The following AFF3 variants were observed in gnomAD, a reference collection of about 807,000 sequenced individuals.
AFF3 encodes AF4/FMR2 family member 3.
Under a neutral mutation model 129.7 loss-of-function variants are expected in AFF3, and 32 were observed. The ratio of observed to expected loss-of-function variants is 0.25; its 90% CI spans 0.19 to 0.33. AFF3 has a LOEUF of 0.33. Ranked by LOEUF, AFF3 falls within the 10% of genes least tolerant of loss-of-function variation. AFF3 has a pLI of 1.00. For synonymous variants in AFF3, 644 were observed against 635.4 expected (o/e 1.01, Z -0.20); for missense variants, 1,373 against 1,592.0 (o/e 0.86, Z 2.34).
intron 8 of AFF3, among the ~76,000 whole-genome samples, chr2:99,797,333 T>C (rs773434578): frequency 3.3e-5 from 5 of 151,990 alleles, no homozygotes; most frequent in Non-Finnish European, 7.4e-5. Flanking sequence ...AATGGTAGAA[T>C]AGAGATTGTA....
At position 99,647,095 on chromosome 2, in the gene AFF3, T is replaced by C. The variant is rs914114278; in HGVS notation, c.1184+2531A>G. Among the ~76,000 whole-genome samples, 9 of 152,318 alleles carry C rather than the reference T, an allele frequency of 5.9e-5. No homozygotes were observed. The East Asian group carries it at 1.7e-3, about 29-fold the overall frequency. ...GTCATTGTGGAAGACATTGTGGTGA[T>C]TCTTCAAAGACCTAGAGGCAGAAAT... On this transcript the variant is annotated intron_variant, in intron 13 of 24. Transcript: ENST00000672756.
intron 20 of AFF3, among the ~76,000 whole-genome samples, chr2:99,564,832 C>G (rs1161053600): frequency 6.6e-6 from 1 of 152,200 alleles, no homozygotes; most frequent in Non-Finnish European, 1.5e-5. Flanking sequence ...AGCAGTTAAA[C>G]TGGCTAAAAA....
At chr2:99,970,615 T>C (rs111372326) in intron 7 of AFF3, among the ~76,000 whole-genome samples, 1,851 of 152,290 alleles carry the variant, frequency 0.012, 30 homozygotes, top group African/African-American at 0.041. Context: ...CATGGGACAG[T>C]TTCCCCTGCC....
intron 4 of AFF3, among the ~76,000 whole-genome samples, chr2:100,012,183 T>C (rs1682610418): frequency 6.6e-6 from 1 of 152,112 alleles, no homozygotes. Flanking sequence ...CGTGCCATGC[T>C]TCCACACCAT....
chr2:100,065,456 A>C (rs896545478), intron 4 of AFF3, among the ~76,000 whole-genome samples: 1 of 152,246 alleles, frequency 6.6e-6, no homozygotes, highest in African/African-American at 2.4e-5. Flanking sequence ...ACAGCCCTAA[A>C]GATCATTATC....
chr2:99,550,685 C>A lies in AFF3; in HGVS notation c.*789G>T. ...AGCTCCAACACACAGGCACTGCTAC[C>A]TTAGTGTCTGTTAACTTTCAAAGAC... On this transcript the variant is annotated 3_prime_UTR_variant, in exon 25 of 25. Transcript: ENST00000672756. The A allele has an allele frequency of 4.3e-6, 1 of 232,920 alleles. No individual in the cohort carries two copies. The highest frequency in any genetic ancestry group is 6.0e-5 in the East Asian group (1 of 16,544). The allele number at this position is 232,920 out of a possible 1,614,324, so 14.4% of individuals were successfully genotyped here.
intron 8 of AFF3, among the ~76,000 whole-genome samples, chr2:99,807,926 C>T (rs1686480857): frequency 6.6e-6 from 1 of 152,170 alleles, no homozygotes; most frequent in Non-Finnish European, 1.5e-5. Flanking sequence ...TGAGCCCCTT[C>T]CCAGGCTGTG....
chr2:99,593,638 A>G lies in AFF3; in HGVS notation c.2023T>C (p.Ser675Pro). ...FIETESSSSS[S>P]SSDSDLESEQ... ...GACTCCAGGTCGGAGTCCGAGGAGG[A>G]GGATGAAGATGACGACTCTGTCTCA... The change falls in exon 15 of 25, where the codon TCC (serine) becomes CCC (proline). Residue 675 changes from serine to proline, a missense_variant. Physicochemically the swap from Ser to Pro is moderately conservative, Grantham distance 74. Coordinates refer to ENST00000672756, the MANE Select transcript of AFF3 (RefSeq NM_001386135.1). 6.2e-7 allele frequency: 1 copy of G among 1,609,020 alleles called. No homozygotes were observed. Among genetic ancestry groups the G allele is most frequent in the Non-Finnish European group, 8.5e-7 (1 of 1,177,122 alleles).
In AFF3 at chr2:100,008,482, G is replaced by A. The variant is rs202041338; in HGVS notation, c.174+330C>T. ...CCTTCTAATAGTGTTTGTTTCCTAC[G>A]ATCTGAGAAAACATAACAAATGGGA... On this transcript the variant is annotated intron_variant, in intron 5 of 24. Transcript: ENST00000672756. 4.9e-4 allele frequency among the ~76,000 whole-genome samples: 75 copies of A among 151,648 alleles called. 1 individual carries two copies. The East Asian group carries it at 8.1e-3, about 16-fold the overall frequency.
At chr2:99,912,958 G>GA (rs1235924773) in intron 7 of AFF3, among the ~76,000 whole-genome samples, 1 of 152,086 alleles carries the variant, frequency 6.6e-6, no homozygotes, top group Non-Finnish European at 1.5e-5. Flanking sequence ...CAAGAGAAAG[G>GA]AAAAACCTCC....
intron 7 of AFF3, among the ~76,000 whole-genome samples, chr2:99,918,410 T>C (rs1195190612): frequency 6.6e-6 from 1 of 152,154 alleles, no homozygotes; most frequent in Non-Finnish European, 1.5e-5. Context: ...CTAAAAAACA[T>C]GTTCATTACC....
At chr2:99,949,074 G>A (rs1047663278) in intron 7 of AFF3, among the ~76,000 whole-genome samples, 1 of 152,142 alleles carries the variant, frequency 6.6e-6, no homozygotes, top group African/African-American at 2.4e-5. Flanking sequence ...AGAACACCTC[G>A]AGATTTAAAT....
rs762616102 is a variant in AFF3 at position 100,007,440 on chromosome 2, G to C, written c.195C>G (p.Leu65=). 1 of 1,613,764 alleles carries C rather than the reference G, an allele frequency of 6.2e-7. No homozygotes were observed. Among genetic ancestry groups the C allele is most frequent in the South Asian group, 1.1e-5 (1 of 91,078 alleles). ...EPYKTNKGDE[L]SNRIQNTLGN... ...CTAAAGTGTTCTGGATCCGGTTGGA[G>C]AGTTCATCCCCCTTGTTAGTCTGGA... is the stretch of plus-strand genomic sequence containing the variant. Residue 65 remains leucine (L), a synonymous_variant, in exon 6 of 25, where the codon CTC becomes CTG. Transcript: ENST00000672756.
chr2:99,782,421 TC>T (rs1342049014), intron 8 of AFF3, among the ~76,000 whole-genome samples: 3 of 152,108 alleles, frequency 2.0e-5, no homozygotes, highest in Non-Finnish European at 2.9e-5. Flanking sequence ...TGGTACAAAG[TC>T]CCCAGTGAAC....
intron 7 of AFF3, among the ~76,000 whole-genome samples, chr2:99,843,801 A>T (rs903204031): frequency 1.3e-5 from 2 of 152,220 alleles, no homozygotes; most frequent in African/African-American, 2.4e-5. Context: ...AAAAATATTT[A>T]AAAATCCCAT....
At chr2:99,874,070 G>A (rs1020970040) in intron 7 of AFF3, among the ~76,000 whole-genome samples, 10 of 152,094 alleles carry the variant, frequency 6.6e-5, no homozygotes, top group Non-Finnish European at 1.3e-4. Context: ...CCAGCTACTC[G>A]GGAGGCTGAG....
At chr2:99,884,302 G>A (rs988842968) in intron 7 of AFF3, among the ~76,000 whole-genome samples, 4 of 152,150 alleles carry the variant, frequency 2.6e-5, no homozygotes, top group African/African-American at 7.2e-5. Flanking sequence ...ATCACCTCAC[G>A]TACTTTCGTT....
chr2:100,110,759 G>A (rs182029063), intron 2 of AFF3, among the ~76,000 whole-genome samples: 2 of 152,156 alleles, frequency 1.3e-5, no homozygotes, highest in African/African-American at 2.4e-5. Context: ...CAGCAGACAC[G>A]GCTGGCTGCC....
intron 1 of AFF3, among the ~76,000 whole-genome samples, chr2:100,139,459 C>A (rs1692774397): frequency 6.6e-6 from 1 of 152,160 alleles, no homozygotes; most frequent in Non-Finnish European, 1.5e-5. Flanking sequence ...AGGGGAGGAA[C>A]AGCAATAAAT....
Sources: allele counts gnomAD v4.1 joint callset (sites outside exome capture counted in the v4.1 genomes callset), GRCh38; gene constraint gnomAD v4.1.1; transcripts MANE v1.5; gene names NCBI Gene and HGNC (gene_info 2026-07-23, HGNC 2026-07-21).